The following ARL6 variants were observed in gnomAD, a reference collection of about 807,000 sequenced individuals.
ARL6 encodes the protein ADP-ribosylation factor-like protein 6.
ARL6 carries 18 observed loss-of-function variants against 27.1 expected under a neutral mutation model. The ratio of observed to expected loss-of-function variants is 0.66; its 90% CI spans 0.46 to 0.98. The LOEUF (loss-of-function observed/expected upper bound fraction) is 0.98, where lower values mean the gene tolerates loss of function less well. Among genes scored for constraint, ARL6 ranks in the 50% least tolerant of loss-of-function variants. The pLI, the probability that ARL6 is intolerant of heterozygous loss-of-function variation, is 0.00. For missense variants in ARL6, 187 were observed against 214.9 expected (o/e 0.87, Z 0.81); for synonymous variants, 65 against 72.3 (o/e 0.90, Z 0.51).
intron 7 of ARL6, among the ~76,000 whole-genome samples, chr3:97,793,671 T>C (rs1180378830): frequency 6.6e-6 from 1 of 152,236 alleles, no homozygotes; most frequent in Non-Finnish European, 1.5e-5. Flanking sequence ...TCTTGATACC[T>C]AATTTTTGTT....
intron 2 of ARL6, among the ~76,000 whole-genome samples, chr3:97,775,787 G>T (rs1338539961): frequency 6.6e-6 from 1 of 152,062 alleles, no homozygotes; most frequent in African/African-American, 2.4e-5. Flanking sequence ...TTCCATTGTG[G>T]TTAGAAAAGA....
At chr3:97,788,430 C>G (rs2037565289) in intron 6 of ARL6, among the ~76,000 whole-genome samples, 3 of 152,086 alleles carry the variant, frequency 2.0e-5, no homozygotes, top group Admixed American at 2.0e-4. Flanking sequence ...AAGCACAGTC[C>G]CATCTAAGAG....
rs930293729 is a variant in ARL6 at position 97,785,551 on chromosome 3, T to C, written c.349+502T>C. Among the ~76,000 whole-genome samples, 6 of 151,986 alleles carry C rather than the reference T, an allele frequency of 3.9e-5. No homozygotes were observed. In the South Asian group the frequency reaches 1.2e-3, roughly 32 times the overall value. Reference sequence around the variant, plus strand: ...GGGTTGAGGACTGTGGGGACTATCATTGTTATTTACCAAAATGGAATCATA... The same window carrying C: ...GGGTTGAGGACTGTGGGGACTATCACTGTTATTTACCAAAATGGAATCATA... On this transcript the variant is annotated intron_variant, in intron 5 of 7. Transcript: ENST00000463745.
intron 7 of ARL6, among the ~76,000 whole-genome samples, chr3:97,792,870 G>GA (rs148923711): frequency 0.02 from 3,078 of 152,128 alleles, 79 homozygotes; most frequent in African/African-American, 0.068. Flanking sequence ...TCTCTGCCCT[G>GA]AACAAGAGTG....
chr3:97,793,736 G>A (rs887509478), intron 7 of ARL6, among the ~76,000 whole-genome samples: 2 of 151,892 alleles, frequency 1.3e-5, no homozygotes, highest in Non-Finnish European at 2.9e-5. Context: ...TCTTTGTAAG[G>A]AGGACACATT....
At chr3:97,795,514 A>T (rs2037958206) in intron 7 of ARL6, among the ~76,000 whole-genome samples, 1 of 152,214 alleles carries the variant, frequency 6.6e-6, no homozygotes, top group African/African-American at 2.4e-5. Flanking sequence ...ACTTTTTAAA[A>T]AGATATTAAT....
chr3:97,794,177 T>TGTG (rs2037880464), intron 7 of ARL6, among the ~76,000 whole-genome samples: 4 of 137,480 alleles, frequency 2.9e-5, no homozygotes, highest in South Asian at 4.9e-4. Flanking sequence ...TTTCTTTCTT[T>TGTG]TGTGTGTGTG....
At chr3:97,797,448 T>C (rs116293688) in intron 7 of ARL6, among the ~76,000 whole-genome samples, 2,093 of 152,202 alleles carry the variant, frequency 0.014, 49 homozygotes, top group African/African-American at 0.048. Flanking sequence ...ACAATGACTA[T>C]ATTAGTGTGT....
At chr3:97,772,086 C>T (rs570546190) in intron 2 of ARL6, among the ~76,000 whole-genome samples, 7 of 152,078 alleles carry the variant, frequency 4.6e-5, no homozygotes, top group African/African-American at 1.4e-4. Context: ...TTTTTGGGAT[C>T]GTTTGAGTTG....
At chr3:97,791,655 C>G (rs1157309728) in intron 6 of ARL6, 116 bp from the exon 7 acceptor site, 16 of 841,506 alleles carry the variant, frequency 1.9e-5, no homozygotes, top group Non-Finnish European at 3.1e-5. Context: ...ACCAGTTTTG[C>G]TCAGATATAT....
intron 1 of ARL6, 40 bp from the exon 2 acceptor site, chr3:97,768,041 A>C: frequency 6.4e-7 from 1 of 1,570,874 alleles, no homozygotes; most frequent in African/African-American, 1.4e-5. Context: ...CCATAACTTA[A>C]GGTGCCTTTG....
chr3:97,768,627 A>C (rs1023863834), intron 2 of ARL6, among the ~76,000 whole-genome samples: 1 of 152,126 alleles, frequency 6.6e-6, no homozygotes, highest in African/African-American at 2.4e-5. Flanking sequence ...AGATGATTTT[A>C]AGCAACAAGT....
intron 7 of ARL6, among the ~76,000 whole-genome samples, chr3:97,793,936 A>C (rs2037867872): frequency 1.3e-5 from 2 of 152,124 alleles, no homozygotes; most frequent in African/African-American, 4.8e-5. Flanking sequence ...CTGTTAGCTA[A>C]CATCTGTTAC....
chr3:97,766,368 C>G (rs1239155261), intron 1 of ARL6, among the ~76,000 whole-genome samples: 1 of 152,118 alleles, frequency 6.6e-6, no homozygotes, highest in Non-Finnish European at 1.5e-5. Flanking sequence ...GGTCCTTAAG[C>G]TGTAATTTAA....
intron 2 of ARL6, among the ~76,000 whole-genome samples, chr3:97,770,928 T>C (rs989631145): frequency 3.9e-5 from 6 of 152,178 alleles, no homozygotes; most frequent in Admixed American, 1.3e-4. Flanking sequence ...CATGGCTTTG[T>C]AGTATAGTTT....
chr3:97,776,142 A>G lies in ARL6; in HGVS notation c.124-4017A>G, dbSNP rs556581192. On this transcript the variant is annotated intron_variant, in intron 2 of 7. Coordinates refer to ENST00000463745, the MANE Select transcript of ARL6 (RefSeq NM_001278293.3). ...CATGTTGAAGGCACATATATTTACA[A>G]TTGTTATATTCTCATTCTGAATTTA... Among the ~76,000 whole-genome samples, 15 of 152,344 alleles carry G rather than the reference A, an allele frequency of 9.8e-5. No individual in the cohort carries two copies. In the South Asian group the frequency reaches 2.3e-3, roughly 23 times the overall value.
chr3:97,773,506 C>A (rs962262209), intron 2 of ARL6, among the ~76,000 whole-genome samples: 2 of 152,114 alleles, frequency 1.3e-5, no homozygotes, highest in African/African-American at 4.8e-5. Flanking sequence ...CTCCTGAGAT[C>A]ATACATAATG....
rs138194402 is a variant in ARL6 at position 97,784,906 on chromosome 3, A to G, written c.255-49A>G. 17,168 of 1,408,448 alleles carry G rather than the reference A, an allele frequency of 0.012. 136 individuals are homozygous for G. The highest frequency in any genetic ancestry group is 0.015 in the Non-Finnish European group (15,388 of 999,316). The allele number at this position is 1,408,448 out of a possible 1,614,324, so 87.2% of individuals were successfully genotyped here. A position where few individuals can be genotyped will look rare whatever the true frequency, so the allele number is the denominator to read the frequency against. On this transcript the variant is annotated intron_variant, in intron 4 of 7. Coordinates refer to ENST00000463745, the MANE Select transcript of ARL6 (RefSeq NM_001278293.3). ...AATGCCCATGGATAATAAACATGGAAAAATTTATAAGTAAAGCTTTAATTT... is the reference window on the plus strand; with the variant it reads ...AATGCCCATGGATAATAAACATGGAGAAATTTATAAGTAAAGCTTTAATTT...
intron 6 of ARL6, 73 bp downstream of exon 6, chr3:97,788,192 C>G: frequency 6.7e-7 from 1 of 1,490,170 alleles, no homozygotes. Flanking sequence ...TTCTTCTGAT[C>G]TCATTTTTTA....
Sources: allele counts gnomAD v4.1 joint callset (sites outside exome capture counted in the v4.1 genomes callset), GRCh38; gene constraint gnomAD v4.1.1; transcripts MANE v1.5; gene names NCBI Gene and HGNC (gene_info 2026-07-23, HGNC 2026-07-21).